NAA10: variants seen among roughly 807,000 people sequenced by gnomAD.
The protein encoded by NAA10 is N-alpha-acetyltransferase 10, NatA catalytic subunit.
In NAA10, 6 loss-of-function variants were observed where a neutral mutation model predicts 19.2. That is an observed-to-expected ratio of 0.31 (90% CI 0.17 to 0.62). The LOEUF is 0.62. NAA10 is among the 20% of genes least tolerant of loss of function. The pLI is 0.83. For synonymous variants in NAA10, 97 were observed against 79.9 expected, an observed-to-expected ratio of 1.21 and a Z score of -1.14; for missense variants, 101 against 198.4, an observed-to-expected ratio of 0.51 and a Z score of 2.95.
intron 6 of NAA10, chrX:153,931,269 G>C (rs1326126206): frequency 4.5e-6 from 4 of 892,619 alleles, no homozygotes; most frequent in Non-Finnish European, 5.5e-6. Context: ...GTGCAGACTC[G>C]CGTGGCCATG....
At chrX:153,932,493 C>A in intron 4 of NAA10, 46 bp downstream of exon 4, 3 of 1,197,660 alleles carry the variant, frequency 2.5e-6, no homozygotes, top group Non-Finnish European at 3.4e-6. Flanking sequence ...CCCCAACTAA[C>A]CCCCACTTCC....
At chrX:153,933,885 G>T (rs1419103707) in intron 3 of NAA10, 58 bp downstream of exon 3, 14 of 1,005,543 alleles carry the variant, frequency 1.4e-5, no homozygotes, top group Non-Finnish European at 1.9e-5. Flanking sequence ...TTTTTTTAAA[G>T]CCCACAGAGG....
intron 3 of NAA10, 173 bp downstream of exon 3, chrX:153,933,770 G>A: frequency 2.3e-6 from 1 of 443,831 alleles, no homozygotes; most frequent in South Asian, 3.9e-5. Flanking sequence ...AACAGAGGAA[G>A]CTGGCAGGGA....
At chrX:153,931,338 G>A in intron 6 of NAA10, 1 of 848,419 alleles carries the variant, frequency 1.2e-6, no homozygotes, top group African/African-American at 2.1e-5. Context: ...CCTAAGACAT[G>A]AGGATTGCTG....
intron 6 of NAA10, chrX:153,931,662 A>C: frequency 1.2e-6 from 1 of 866,566 alleles, no homozygotes; most frequent in East Asian, 8.2e-5. Flanking sequence ...TTCCTTCCTG[A>C]ATGTGCATTC....
chrX:153,932,683 C>G lies in NAA10; in HGVS notation c.180-99G>C, dbSNP rs943815712. 7.4e-5 allele frequency: 59 copies of G among 793,588 alleles called. No homozygotes were observed. The South Asian group carries it at 8.6e-4, about 12-fold the overall frequency. The allele number at this position is 793,588 out of a possible 1,213,427, so 65.4% of individuals were successfully genotyped here. On this transcript the variant is annotated intron_variant, in intron 3 of 7. Transcript: ENST00000464845. ...GTAGAGTGGACATGCACTACAGCCC[C>G]CTAAGACCCCAGCTGGGGGAGAGCC...
chrX:153,934,496 G>A (rs1557107994), intron 1 of NAA10, 21 bp from the exon 2 acceptor site: 12 of 1,143,212 alleles, frequency 1.0e-5, no homozygotes, highest in Non-Finnish European at 1.3e-5. Flanking sequence ...GGAGGGCAGT[G>A]GAACGCGCTC....
chrX:153,934,339 C>T (rs1259182254), intron 2 of NAA10, 38 bp downstream of exon 2: 1 of 1,090,640 alleles, frequency 9.2e-7, no homozygotes, highest in Non-Finnish European at 1.3e-6. Context: ...TTTTCCTCGG[C>T]CTGCTTTCCC....
chrX:153,930,215 C>T lies in NAA10; in HGVS notation c.480G>A (p.Arg160=), dbSNP rs782668448. The T allele has an allele frequency of 5.8e-6, 7 of 1,209,232 alleles. No individual in the cohort carries two copies. The highest frequency in any genetic ancestry group is 5.6e-6 in the Non-Finnish European group (5 of 893,721). The change falls in exon 8 of 8, where the codon CGG becomes CGA. Residue 160 remains arginine, a synonymous_variant. Coordinates refer to ENST00000464845, the MANE Select transcript of NAA10 (RefSeq NM_003491.4). ...TGCCCTTCTCTTTCAGCTCCAGGTG[C>T]CGCCTCAGCTGCCACCAGGAACCCA... ...DLTQMADELR[R]HLELKEKGRH...
intron 1 of NAA10, 55 bp from the exon 2 acceptor site, chrX:153,934,530 G>T: frequency 1.0e-6 from 1 of 960,391 alleles, no homozygotes; most frequent in African/African-American, 1.9e-5. Context: ...GGTGACCACG[G>T]GTGAGAAGCC....
At chrX:153,931,859 G>T in intron 6 of NAA10, 1 of 1,113,223 alleles carries the variant, frequency 9.0e-7, no homozygotes. Context: ...CATGGAGCAC[G>T]TTTCAGCAGG....
chrX:153,930,320 G>A (rs2065159238), intron 7 of NAA10, 97 bp from the exon 8 acceptor site: 1 of 789,475 alleles, frequency 1.3e-6, no homozygotes, highest in Non-Finnish European at 1.9e-6. Context: ...GAGGAGAGGG[G>A]CATAGTGAGG....
rs370972068 is a variant in NAA10, at chrX:153,932,025, A to T, written c.386+46T>A. The stretch of plus-strand genomic sequence containing the variant: ...GGTCTCAGGTGCCCTGATGGGCCAG[A>T]CCTGGGATCAACCCCAGCCCATTAG... On this transcript the variant is annotated intron_variant, in intron 6 of 7. Coordinates refer to ENST00000464845, the MANE Select transcript of NAA10 (RefSeq NM_003491.4). 107 of 1,210,538 alleles carry T rather than the reference A, an allele frequency of 8.8e-5. No homozygotes were observed. The African/African-American group carries it at 1.3e-3, about 15-fold the overall frequency.
chrX:153,934,979 CGGGACGGCCGGGGCT>C lies in NAA10; in HGVS notation c.-90_-76del. The stretch of plus-strand genomic sequence containing the variant: ...CTGCCGCCGCGCTCCGAAGCGACGC[CGGGACGGCCGGGGCT>C]GGGACCGGAGCTGGGCTCGCTGGGC... On this transcript the variant is annotated 5_prime_UTR_variant, in exon 1 of 8. Coordinates refer to ENST00000464845, the MANE Select transcript of NAA10 (RefSeq NM_003491.4). 3 of 894,292 alleles carry C rather than the reference CGGGACGGCCGGGGCT, an allele frequency of 3.4e-6. No individual in the cohort carries two copies. The highest frequency in any genetic ancestry group is 4.2e-6 in the Non-Finnish European group (3 of 711,787). 73.7% of individuals were successfully genotyped at this position (894,292 alleles called of 1,213,427 possible).
chrX:153,932,996 T>C (rs953646789), intron 3 of NAA10: 5 of 204,527 alleles, frequency 2.4e-5, no homozygotes, highest in Non-Finnish European at 3.6e-5. Context: ...GAGGCTGCAG[T>C]GAGCCATGAT....
Position 153,930,561 on chromosome X carries a change from C to T in NAA10, c.471+202G>A, listed in dbSNP as rs370597569. On this transcript the variant is annotated intron_variant, in intron 7 of 7. Transcript: ENST00000464845. ...CTCCCCACTTCCCTTCTAAAAGCCT[C>T]CTCCCTCTGCCTCTCCCATCACCCT... The T allele has an allele frequency of 1.5e-3, 724 of 469,782 alleles. 2 individuals are homozygous for T. Among genetic ancestry groups the T allele is most frequent in the Non-Finnish European group, 2.2e-3 (588 of 271,566 alleles). 38.7% of individuals were successfully genotyped at this position (469,782 alleles called of 1,213,427 possible).
At position 153,931,179 on chromosome X, in the gene NAA10, C is replaced by A. The variant is rs371546075; in HGVS notation, c.387-332G>T. 69 of 955,899 alleles carry A rather than the reference C, an allele frequency of 7.2e-5. No individual in the cohort carries two copies. In the African/African-American group the frequency reaches 1.2e-3, roughly 16 times the overall value. 78.8% of individuals were successfully genotyped at this position (955,899 alleles called of 1,213,427 possible). ...CCCTGTCCCTTACTGAGCTGCCTCACAACAGCCATCAGAACCCAGGAAAGA... is the reference window on the plus strand; with the variant it reads ...CCCTGTCCCTTACTGAGCTGCCTCAAAACAGCCATCAGAACCCAGGAAAGA... On this transcript the variant is annotated intron_variant, in intron 6 of 7. Coordinates refer to ENST00000464845, the MANE Select transcript of NAA10 (RefSeq NM_003491.4).
At chrX:153,933,256 C>T (rs1399732691) in intron 3 of NAA10, among the ~76,000 whole-genome samples, 1 of 111,956 alleles carries the variant, frequency 8.9e-6, no homozygotes, top group African/African-American at 3.3e-5. Context: ...GGGATGAATG[C>T]GTGGAACACA....
chrX:153,930,367 G>T, intron 7 of NAA10, 144 bp from the exon 8 acceptor site: 1 of 562,703 alleles, frequency 1.8e-6, no homozygotes. Flanking sequence ...ACTGAGTGGG[G>T]ACACCTGGCT....
Sources: allele counts gnomAD v4.1 joint callset (sites outside exome capture counted in the v4.1 genomes callset), GRCh38; gene constraint gnomAD v4.1.1; transcripts MANE v1.5; gene names NCBI Gene and HGNC (gene_info 2026-07-23, HGNC 2026-07-21).